Variants in KCNIP4 observed in about 807,000 individuals in gnomAD.
The protein encoded by KCNIP4 is potassium voltage-gated channel interacting protein 4.
Under a neutral mutation model 34.0 loss-of-function variants are expected in KCNIP4, and 12 were observed. The observed-to-expected ratio is 0.35, with a 90% CI of 0.23 to 0.57. The LOEUF (loss-of-function observed/expected upper bound fraction) is 0.57. Ranked by LOEUF, KCNIP4 falls within the 20% of genes least tolerant of loss-of-function variation. The probability of loss-of-function intolerance (pLI) is 0.83; values close to 1 mark genes in which losing one functional copy is unlikely to be tolerated. For synonymous variants in KCNIP4, 124 were observed against 102.2 expected (o/e 1.21, Z -1.29); for missense variants, 238 against 311.7 (o/e 0.76, Z 1.78).
chr4:21,814,258 A>C (rs1376054362), intron 1 of KCNIP4, among the ~76,000 whole-genome samples: 2 of 152,158 alleles, frequency 1.3e-5, no homozygotes. Context: ...CTAAAACCTT[A>C]ATGAAATCTG....
chr4:21,457,059 AC>A (rs1303074948), intron 1 of KCNIP4, among the ~76,000 whole-genome samples: 8 of 152,156 alleles, frequency 5.3e-5, no homozygotes, highest in African/African-American at 1.9e-4. Context: ...TGGAAAAAAA[AC>A]ATATCCATTG....
chr4:21,007,409 A>G (rs1175991760), intron 1 of KCNIP4, among the ~76,000 whole-genome samples: 1 of 152,230 alleles, frequency 6.6e-6, no homozygotes, highest in Non-Finnish European at 1.5e-5. Flanking sequence ...TTGTGTTTAC[A>G]TAGTAGATGT....
chr4:21,767,953 GA>G (rs2109184442), intron 1 of KCNIP4, among the ~76,000 whole-genome samples: 1 of 152,192 alleles, frequency 6.6e-6, no homozygotes, highest in Non-Finnish European at 1.5e-5. Context: ...CCTAAAGGAA[GA>G]AGAGAAGCCA....
At chr4:20,891,263 G>A (rs1422258313) in intron 1 of KCNIP4, among the ~76,000 whole-genome samples, 1 of 152,110 alleles carries the variant, frequency 6.6e-6, no homozygotes, top group Non-Finnish European at 1.5e-5. Context: ...GGAAGAAAAT[G>A]GCAAATAATG....
intron 1 of KCNIP4, among the ~76,000 whole-genome samples, chr4:21,603,338 T>C (rs977971692): frequency 1.3e-5 from 2 of 151,730 alleles, no homozygotes; most frequent in African/African-American, 4.8e-5. Flanking sequence ...TTTTTGAGTA[T>C]TTGCAAGATT....
chr4:21,765,688 C>T (rs1718360187), intron 1 of KCNIP4, among the ~76,000 whole-genome samples: 2 of 151,194 alleles, frequency 1.3e-5, no homozygotes, highest in Admixed American at 1.3e-4. Context: ...CTGGTCTTGA[C>T]CTCCTGACCT....
intron 1 of KCNIP4, among the ~76,000 whole-genome samples, chr4:21,519,343 TAC>T (rs137872471): frequency 0.026 from 2,996 of 114,848 alleles, 58 homozygotes; most frequent in African/African-American, 0.035. Flanking sequence ...GAGAGAGAGA[TAC>T]ACACACACAC....
rs537310439 is a variant in KCNIP4, at chr4:21,385,443, G to A, written c.62-502734C>T. Among the ~76,000 whole-genome samples, 80 of 152,174 alleles carry A rather than the reference G, an allele frequency of 5.3e-4. 1 individual carries two copies. Among genetic ancestry groups the A allele is most frequent in the Middle Eastern group, 6.8e-3 (2 of 294 alleles). On this transcript the variant is annotated intron_variant, in intron 1 of 8. Transcript: ENST00000382152. ...ATATAGTACAATGGTTAGGACTGTGGGCTCCCATACCGGAATGCCTGTATT... is the reference window on the plus strand; with the variant it reads ...ATATAGTACAATGGTTAGGACTGTGAGCTCCCATACCGGAATGCCTGTATT...
chr4:21,742,358 T>C (rs1028225467), intron 1 of KCNIP4, among the ~76,000 whole-genome samples: 3 of 152,150 alleles, frequency 2.0e-5, no homozygotes, highest in African/African-American at 7.2e-5. Flanking sequence ...TTATTTCCAA[T>C]CAGACAGGTT....
chr4:20,809,508 G>A (rs1046098645), intron 3 of KCNIP4, among the ~76,000 whole-genome samples: 1 of 152,052 alleles, frequency 6.6e-6, no homozygotes, highest in Non-Finnish European at 1.5e-5. Flanking sequence ...TGGAATTCTG[G>A]CTTATAGGCT....
chr4:20,880,873 T>C (rs549963088), intron 2 of KCNIP4, among the ~76,000 whole-genome samples: 1 of 152,318 alleles, frequency 6.6e-6, no homozygotes, highest in Non-Finnish European at 1.5e-5. Context: ...GCTGATGATG[T>C]TATGTTTTGT....
chr4:21,895,066 G>C (rs1414050687), intron 1 of KCNIP4, among the ~76,000 whole-genome samples: 1 of 152,150 alleles, frequency 6.6e-6, no homozygotes, highest in Non-Finnish European at 1.5e-5. Context: ...TAGTGGGACT[G>C]CTGCCTTACA....
chr4:21,347,504 A>C (rs1208141166), intron 1 of KCNIP4, among the ~76,000 whole-genome samples: 1 of 152,200 alleles, frequency 6.6e-6, no homozygotes, highest in Non-Finnish European at 1.5e-5. Flanking sequence ...AAGTCTGAGA[A>C]ATGTAGCTCC....
At chr4:20,805,295 C>G (rs1463168697) in intron 3 of KCNIP4, among the ~76,000 whole-genome samples, 1 of 144,604 alleles carries the variant, frequency 6.9e-6, no homozygotes, top group Non-Finnish European at 1.5e-5. Context: ...CTGGGATTCC[C>G]AAAGTGCTAG....
intron 1 of KCNIP4, among the ~76,000 whole-genome samples, chr4:21,783,309 A>G (rs1279443548): frequency 6.6e-6 from 1 of 152,212 alleles, no homozygotes; most frequent in Non-Finnish European, 1.5e-5. Context: ...AACAAAGCCA[A>G]AACTAAAACT....
chr4:20,810,451 G>C (rs1166846890), intron 3 of KCNIP4, among the ~76,000 whole-genome samples: 1 of 134,988 alleles, frequency 7.4e-6, no homozygotes, highest in Non-Finnish European at 1.6e-5. Context: ...ACAGGGCAGG[G>C]GGGAGGAAGG....
chr4:20,963,666 T>C (rs142020766), intron 1 of KCNIP4, among the ~76,000 whole-genome samples: 12 of 152,146 alleles, frequency 7.9e-5, no homozygotes, highest in African/African-American at 2.9e-4. Context: ...GGAGAGTGGA[T>C]TTTGTGCAGT....
chr4:21,780,727 G>A (rs1719525423), intron 1 of KCNIP4, among the ~76,000 whole-genome samples: 1 of 152,178 alleles, frequency 6.6e-6, no homozygotes, highest in Non-Finnish European at 1.5e-5. Context: ...ATTTTCTAGA[G>A]CTGCTGAAAC....
At chr4:21,663,617 T>C (rs896352717) in intron 1 of KCNIP4, among the ~76,000 whole-genome samples, 19 of 152,316 alleles carry the variant, frequency 1.2e-4, no homozygotes, top group African/African-American at 4.6e-4. Flanking sequence ...CTGACCTTGC[T>C]TGTTCTAAGG....
Sources: gnomAD v4.1 joint callset for allele counts (sites outside exome capture counted in the v4.1 genomes callset) on GRCh38, gnomAD v4.1.1 for gene constraint, MANE v1.5 for transcripts, NCBI Gene and HGNC (gene_info 2026-07-23, HGNC 2026-07-21) for gene names.